DNM3: variants seen among roughly 807,000 people sequenced by gnomAD.
The protein encoded by DNM3 is dynamin 3, also known as dynamin-3.
A neutral mutation model predicts 101.6 loss-of-function variants in DNM3; 47 were observed. The observed-to-expected ratio is 0.46, with a 90% CI of 0.37 to 0.59. The LOEUF (loss-of-function observed/expected upper bound fraction) is 0.59. DNM3 is among the 20% of genes least tolerant of loss of function. The pLI, the probability that DNM3 is intolerant of heterozygous loss-of-function variation, is 0.00. For missense variants in DNM3, 849 were observed against 1,085.7 expected (o/e 0.78, Z 3.06); for synonymous variants, 385 against 387.9 (o/e 0.99, Z 0.09).
intron 13 of DNM3, among the ~76,000 whole-genome samples, chr1:172,112,485 A>G (rs2055556458): frequency 6.6e-6 from 1 of 152,002 alleles, no homozygotes; most frequent in Non-Finnish European, 1.5e-5. Flanking sequence ...ACTCATTGGT[A>G]CTCTTTTGAC....
At chr1:172,199,718 T>C (rs2060084251) in intron 14 of DNM3, among the ~76,000 whole-genome samples, 1 of 152,176 alleles carries the variant, frequency 6.6e-6, no homozygotes, top group Non-Finnish European at 1.5e-5. Flanking sequence ...AAATTAGGAT[T>C]GCTATCCCTG....
chr1:171,904,611 C>A (rs1295449974), intron 1 of DNM3, among the ~76,000 whole-genome samples: 1 of 152,154 alleles, frequency 6.6e-6, no homozygotes, highest in Non-Finnish European at 1.5e-5. Flanking sequence ...TGGCCAGTTT[C>A]TCTCAGGAAA....
chr1:171,968,944 G>A (rs2043795726), intron 2 of DNM3, among the ~76,000 whole-genome samples: 1 of 152,170 alleles, frequency 6.6e-6, no homozygotes, highest in South Asian at 2.1e-4. Context: ...GAAACTCGTA[G>A]AGATGTCTCA....
intron 14 of DNM3, among the ~76,000 whole-genome samples, chr1:172,232,420 C>T (rs1229849186): frequency 6.6e-6 from 1 of 152,264 alleles, no homozygotes; most frequent in East Asian, 1.9e-4. Context: ...GAGAATTAGA[C>T]TCCCATACAA....
intron 16 of DNM3, among the ~76,000 whole-genome samples, chr1:172,318,063 G>A (rs2065483999): frequency 6.6e-6 from 1 of 152,104 alleles, no homozygotes; most frequent in Admixed American, 6.6e-5. Context: ...TTCATCCCTG[G>A]GATGCAAGGC....
chr1:172,081,979 A>C, intron 12 of DNM3, 77 bp downstream of exon 12: 1 of 1,411,122 alleles, frequency 7.1e-7, no homozygotes, highest in South Asian at 1.2e-5. Flanking sequence ...TTTTTACTAC[A>C]GTTTCACCAC....
At position 172,410,875 on chromosome 1, in the gene DNM3, A is replaced by G; in HGVS notation, c.*3034A>G. Reference sequence around the variant, plus strand: ...TGTAGCCATAATTCTCAAATATGAAATGGGACCTAATACCAGTATGTGATA... The same window carrying G: ...TGTAGCCATAATTCTCAAATATGAAGTGGGACCTAATACCAGTATGTGATA... On this transcript the variant is annotated 3_prime_UTR_variant, in exon 21 of 21. Coordinates refer to ENST00000627582, the MANE Select transcript of DNM3 (RefSeq NM_015569.5). The G allele has an allele frequency of 1.0e-6, 1 of 985,284 alleles. No homozygotes were observed. The highest frequency in any genetic ancestry group is 1.2e-6 in the Non-Finnish European group (1 of 829,812). The allele number at this position is 985,284 out of a possible 1,614,324, so 61.0% of individuals were successfully genotyped here.
At chr1:172,187,586 A>C (rs1473634392) in intron 14 of DNM3, among the ~76,000 whole-genome samples, 1 of 152,022 alleles carries the variant, frequency 6.6e-6, no homozygotes, top group African/African-American at 2.4e-5. Flanking sequence ...GAGAATGGAT[A>C]GTAGCCTTAT....
chr1:172,027,704 C>A lies in DNM3; in HGVS notation c.590-4698C>A, dbSNP rs2048314688. ...TCGTATGTGCAAAGACACACATAGA[C>A]TCAAAATAAAGGGATGGAAGGATAT... On this transcript the variant is annotated intron_variant, in intron 4 of 20. Transcript: ENST00000627582. Among the ~76,000 whole-genome samples, 3 of 151,858 alleles carry A rather than the reference C, an allele frequency of 2.0e-5. No individual in the cohort carries two copies. The South Asian group carries it at 6.2e-4, about 32-fold the overall frequency.
intron 1 of DNM3, among the ~76,000 whole-genome samples, chr1:171,915,408 G>A (rs1482453604): frequency 6.6e-6 from 1 of 152,128 alleles, no homozygotes; most frequent in East Asian, 1.9e-4. Context: ...GATAGTTGGT[G>A]GAAGCTGGAG....
At chr1:172,166,277 C>T (rs1362235691) in intron 14 of DNM3, among the ~76,000 whole-genome samples, 1 of 152,022 alleles carries the variant, frequency 6.6e-6, no homozygotes, top group Non-Finnish European at 1.5e-5. Context: ...ATAGCTGATA[C>T]CCTCAATTAA....
chr1:172,032,883 G>C (rs1486115415), intron 5 of DNM3, among the ~76,000 whole-genome samples: 1 of 152,050 alleles, frequency 6.6e-6, no homozygotes, highest in Non-Finnish European at 1.5e-5. Flanking sequence ...ACAGTTTGAG[G>C]GTGAGAGGCA....
intron 14 of DNM3, among the ~76,000 whole-genome samples, chr1:172,148,209 A>G (rs1008120446): frequency 3.3e-5 from 5 of 152,024 alleles, no homozygotes; most frequent in Admixed American, 3.3e-4. Context: ...TTGTACTAAG[A>G]CGTTACCTGT....
intron 2 of DNM3, among the ~76,000 whole-genome samples, chr1:171,981,339 T>G (rs2044775280): frequency 6.6e-6 from 1 of 152,234 alleles, no homozygotes; most frequent in African/African-American, 2.4e-5. Context: ...ACCTTGATTC[T>G]TAGAATAAAG....
At chr1:171,911,589 A>C (rs1250745300) in intron 1 of DNM3, among the ~76,000 whole-genome samples, 1 of 152,112 alleles carries the variant, frequency 6.6e-6, no homozygotes, top group Non-Finnish European at 1.5e-5. Flanking sequence ...GGCCTCTAGC[A>C]TCTTAAAATA....
At chr1:172,026,347 T>A (rs1030332845) in intron 4 of DNM3, among the ~76,000 whole-genome samples, 2 of 152,098 alleles carry the variant, frequency 1.3e-5, no homozygotes, top group African/African-American at 4.8e-5. Flanking sequence ...TACCTGAAAG[T>A]GATGGGAAGA....
At chr1:171,847,894 C>A (rs56261149) in intron 1 of DNM3, among the ~76,000 whole-genome samples, 3 of 139,702 alleles carry the variant, frequency 2.1e-5, no homozygotes, top group Non-Finnish European at 4.7e-5. Flanking sequence ...CTCTCTCTCT[C>A]TCTGTGTGTG....
chr1:172,022,736 T>A (rs2047932933), intron 4 of DNM3, among the ~76,000 whole-genome samples: 1 of 152,058 alleles, frequency 6.6e-6, no homozygotes, highest in Admixed American at 6.5e-5. Flanking sequence ...ATGTAATCTG[T>A]TTATATTACT....
At chr1:171,930,578 G>A (rs1444114932) in intron 2 of DNM3, among the ~76,000 whole-genome samples, 1 of 152,114 alleles carries the variant, frequency 6.6e-6, no homozygotes, top group Admixed American at 6.6e-5. Flanking sequence ...CCTGAACTGA[G>A]GGTTGCAAAG....
Sources: allele counts gnomAD v4.1 joint callset (sites outside exome capture counted in the v4.1 genomes callset), GRCh38; gene constraint gnomAD v4.1.1; transcripts MANE v1.5; gene names NCBI Gene and HGNC (gene_info 2026-07-23, HGNC 2026-07-21).